The following MANSC4 variants were observed in gnomAD, a reference collection of about 807,000 sequenced individuals.
The protein encoded by MANSC4 is MANSC domain-containing protein 4.
Under a neutral mutation model 11.4 loss-of-function variants are expected in MANSC4, and 11 were observed. The ratio of observed to expected loss-of-function variants is 0.97; its 90% CI spans 0.61 to 1.60. MANSC4 has a LOEUF of 1.60. Ranked by LOEUF, MANSC4 falls within the 40% of genes most tolerant of loss-of-function variation. MANSC4 has a pLI of 0.00. For synonymous variants in MANSC4, 123 were observed against 147.1 expected (o/e 0.84, Z 1.19); for missense variants, 354 against 404.6 (o/e 0.88, Z 1.07).
intron 1 of MANSC4, among the ~76,000 whole-genome samples, chr12:27,774,742 G>A (rs1565478845): frequency 1.3e-5 from 2 of 152,158 alleles, no homozygotes; most frequent in African/African-American, 2.4e-5. Context: ...AAAAAGCAGG[G>A]GCTGGGCACG....
chr12:27,769,119 G>A (rs1428921555), intron 2 of MANSC4, among the ~76,000 whole-genome samples: 3 of 152,152 alleles, frequency 2.0e-5, no homozygotes, highest in African/African-American at 7.2e-5. Flanking sequence ...TTTTCCAGGA[G>A]AAAGAATAAG....
intron 3 of MANSC4, among the ~76,000 whole-genome samples, chr12:27,766,020 CTTCCATTTAGCATTTTCTTT>C: frequency 6.6e-6 from 1 of 151,936 alleles, no homozygotes; most frequent in Non-Finnish European, 1.5e-5. Flanking sequence ...GCCCTCAAAA[CTTCCATTTAGCATTTTCTTT>C]ATCTCCTAGT....
Position 27,762,543 on chromosome 12 carries a change from G to T in MANSC4, c.*195C>A, listed in dbSNP as rs910222180. On this transcript the variant is annotated 3_prime_UTR_variant, in exon 4 of 4. Coordinates refer to ENST00000381273, the MANE Select transcript of MANSC4 (RefSeq NM_001146221.5). ...TTATTTTTCATTTTATAGAGACAGA[G>T]TCTCACTATGTTGCCCAGGCTGGTC... 6.6e-6 allele frequency among the ~76,000 whole-genome samples: 1 copy of T among 151,764 alleles called. No individual in the cohort carries two copies. The highest frequency in any genetic ancestry group is 1.5e-5 in the Non-Finnish European group (1 of 67,972).
chr12:27,762,831 A>G lies in MANSC4; in HGVS notation c.930T>C (p.Cys310=). The G allele has an allele frequency of 6.4e-7, 1 of 1,551,852 alleles. No homozygotes were observed. The highest frequency in any genetic ancestry group is 8.7e-7 in the Non-Finnish European group (1 of 1,147,024). ...CCIVILASGC[C]GKQQGQYKPG... ...GTTTATACTGGCCCTGCTGCTTTCC[A>G]CAGCATCCAGATGCCAGGATGACTA... The change falls in exon 4 of 4, where the codon TGT becomes TGC. Residue 310 remains cysteine (C), a synonymous_variant. Coordinates refer to ENST00000381273, the MANE Select transcript of MANSC4 (RefSeq NM_001146221.5).
At chr12:27,763,497 A>ATGGCTTTTGCCGCT (rs2062057826) in intron 3 of MANSC4, 101 bp from the exon 4 acceptor site, 1 of 1,098,782 alleles carries the variant, frequency 9.1e-7, no homozygotes, top group Non-Finnish European at 1.3e-6. Flanking sequence ...GCTATGAGTT[A>ATGGCTTTTGCCGCT]TCGAACGAAG....
At chr12:27,772,135 A>G (rs1461152250) in intron 1 of MANSC4, among the ~76,000 whole-genome samples, 1 of 152,220 alleles carries the variant, frequency 6.6e-6, no homozygotes, top group Non-Finnish European at 1.5e-5. Context: ...AATCATTTCA[A>G]TTGCAATGCC....
intron 1 of MANSC4, among the ~76,000 whole-genome samples, chr12:27,772,806 T>G (rs930609728): frequency 6.6e-6 from 1 of 152,202 alleles, no homozygotes; most frequent in East Asian, 1.9e-4. Context: ...ACTCTCGATA[T>G]TTTATGAGAT....
intron 1 of MANSC4, chr12:27,779,906 C>G (rs1033470322): frequency 1.3e-5 from 2 of 151,256 alleles, no homozygotes; most frequent in Admixed American, 1.3e-4. Flanking sequence ...GCAGCCGAGG[C>G]GCCCGGGCCC....
In MANSC4 at chr12:27,762,614, G is replaced by T; in HGVS notation, c.*124C>A. ...AAATCTACTGCCTTGGCTTCCCAAA[G>T]TTTTGGGATTACAGGCATGAACCAC... On this transcript the variant is annotated 3_prime_UTR_variant, in exon 4 of 4. Transcript: ENST00000381273. 2 of 953,426 alleles carry T rather than the reference G, an allele frequency of 2.1e-6. No homozygotes were observed. The highest frequency in any genetic ancestry group is 1.5e-6 in the Non-Finnish European group (1 of 670,584). The allele number at this position is 953,426 out of a possible 1,614,324, so 59.1% of individuals were successfully genotyped here. A position where few individuals can be genotyped will look rare whatever the true frequency, so the allele number is the denominator to read the frequency against.
At chr12:27,773,201 G>A (rs1228387701) in intron 1 of MANSC4, among the ~76,000 whole-genome samples, 1 of 152,280 alleles carries the variant, frequency 6.6e-6, no homozygotes, top group East Asian at 1.9e-4. Flanking sequence ...CTAAAGCCCT[G>A]CAGGGGCTGG....
At chr12:27,770,157 T>A (rs2140801299) in intron 2 of MANSC4, among the ~76,000 whole-genome samples, 1 of 151,952 alleles carries the variant, frequency 6.6e-6, no homozygotes, top group East Asian at 1.9e-4. Flanking sequence ...GTCAGCACAT[T>A]TTAGTTTAGT....
In MANSC4 at chr12:27,763,228, G is replaced by A. The variant is rs376492706; in HGVS notation, c.533C>T (p.Thr178Met). Residue 178 changes from threonine to methionine, a missense_variant, in exon 4 of 4, where the codon ACG (threonine) becomes ATG (methionine). By Grantham distance (81) the Thr-to-Met change is moderately conservative (BLOSUM62 -1). Transcript: ENST00000381273. Reference protein sequence around the residue: ...LPSTEAPSSTTHQDLVVNTNS... With the variant: ...LPSTEAPSSTMHQDLVVNTNS... ...TGTGTTTACAACCAAATCTTGATGC[G>A]TGGTTGAGGATGGAGCCTCTGTGGA... is the stretch of plus-strand genomic sequence containing the variant. The A allele has an allele frequency of 1.5e-5, 24 of 1,551,688 alleles. No individual in the cohort carries two copies. The East Asian group carries it at 1.7e-4, about 11-fold the overall frequency.
chr12:27,769,758 G>A (rs1181601370), intron 2 of MANSC4, among the ~76,000 whole-genome samples: 1 of 152,200 alleles, frequency 6.6e-6, no homozygotes, highest in African/African-American at 2.4e-5. Flanking sequence ...TGGGCAAGAG[G>A]CATTGGAAAT....
At position 27,780,222 on chromosome 12, in the gene MANSC4, C is replaced by T; in HGVS notation, c.-319G>A. Reference sequence around the variant, plus strand: ...GGGCGGCCCTCACCTCGCCGCTCCTCCCGGGCCGCCATCCCTCGGCGCCCC... The same window carrying T: ...GGGCGGCCCTCACCTCGCCGCTCCTTCCGGGCCGCCATCCCTCGGCGCCCC... On this transcript the variant is annotated 5_prime_UTR_variant, in exon 1 of 4. Coordinates refer to ENST00000381273, the MANE Select transcript of MANSC4 (RefSeq NM_001146221.5). The surrounding 1 kb of genome is among the most constrained non-coding windows in gnomAD (Gnocchi z 8.8). The T allele has an allele frequency of 1.8e-6, 2 of 1,106,364 alleles. No homozygotes were observed. The highest frequency in any genetic ancestry group is 2.3e-6 in the Non-Finnish European group (2 of 852,152). 68.5% of individuals were successfully genotyped at this position (1,106,364 alleles called of 1,614,324 possible). A position where few individuals can be genotyped will look rare whatever the true frequency, so the allele number is the denominator to read the frequency against.
At position 27,763,129 on chromosome 12, in the gene MANSC4, G is replaced by A. The variant is rs1262708949; in HGVS notation, c.632C>T (p.Thr211Ile). 1.3e-6 allele frequency: 2 copies of A among 1,551,662 alleles called. No individual in the cohort carries two copies. The highest frequency in any genetic ancestry group is 2.4e-5 in the South Asian group (2 of 84,062). The change falls in exon 4 of 4, where the codon ACC (threonine) becomes ATC (isoleucine). Residue 211 changes from threonine (T) to isoleucine (I), a missense_variant. Coordinates refer to ENST00000381273, the MANE Select transcript of MANSC4 (RefSeq NM_001146221.5). ...TGGTGACACCTTATTTATCTTTGTG[G>A]TAATGGACTCATTCAGGGAAGTAAA... ...ARFTSLNESI[T>I]TKINKVSPST...
chr12:27,771,906 C>G (rs979971380), intron 1 of MANSC4, among the ~76,000 whole-genome samples: 1 of 151,964 alleles, frequency 6.6e-6, no homozygotes, highest in East Asian at 1.9e-4. Context: ...TGGCCAGGCA[C>G]AGTGGCTCAC....
intron 2 of MANSC4, among the ~76,000 whole-genome samples, chr12:27,770,629 AGGAGTTC>A (rs2062096562): frequency 2.0e-5 from 3 of 152,308 alleles, no homozygotes; most frequent in African/African-American, 7.2e-5. Flanking sequence ...ACCTGAGTCC[AGGAGTTC>A]GAGACCAGCC....
Position 27,762,631 on chromosome 12 carries a change from A to G in MANSC4, c.*107T>C. ...TTCCCAAAGTTTTGGGATTACAGGC[A>G]TGAACCACCACGCCCAGCCTATTTT... On this transcript the variant is annotated 3_prime_UTR_variant, in exon 4 of 4. Coordinates refer to ENST00000381273, the MANE Select transcript of MANSC4 (RefSeq NM_001146221.5). The G allele has an allele frequency of 1.7e-6, 2 of 1,151,878 alleles. No individual in the cohort carries two copies. The highest frequency in any genetic ancestry group is 1.7e-5 in the South Asian group (1 of 57,156). 71.4% of individuals were successfully genotyped at this position (1,151,878 alleles called of 1,614,324 possible).
At chr12:27,775,865 G>A (rs28445823) in intron 1 of MANSC4, among the ~76,000 whole-genome samples, 6,969 of 151,548 alleles carry the variant, frequency 0.046, 514 homozygotes, top group African/African-American at 0.16. Context: ...TGAGGTGGGC[G>A]GATTACCTGA....
Sources: gnomAD v4.1 joint callset for allele counts (sites outside exome capture counted in the v4.1 genomes callset) on GRCh38, gnomAD v4.1.1 for gene constraint, Gnocchi (gnomAD v3.1) non-coding constraint, MANE v1.5 for transcripts, NCBI Gene and HGNC (gene_info 2026-07-23, HGNC 2026-07-21) for gene names.